Variants in DPF3 observed in about 807,000 individuals in gnomAD.
The protein encoded by DPF3 is zinc finger protein DPF3.
DPF3 carries 18 observed loss-of-function variants against 56.8 expected under a neutral mutation model. That is an observed-to-expected ratio of 0.32 (90% CI 0.22 to 0.47). The LOEUF (loss-of-function observed/expected upper bound fraction) is 0.47. Ranked by LOEUF, DPF3 falls within the 20% of genes least tolerant of loss-of-function variation. DPF3 has a pLI of 1.00. For missense variants in DPF3, 403 were observed against 488.8 expected (o/e 0.82, Z 1.65); for synonymous variants, 188 against 180.2 (o/e 1.04, Z -0.35).
chr14:72,617,003 G>A lies in DPF3; in HGVS notation c.*2294C>T, dbSNP rs1033347992. On this transcript the variant is annotated 3_prime_UTR_variant, in exon 11 of 11. Coordinates refer to ENST00000556509, the MANE Select transcript of DPF3 (RefSeq NM_001280542.3). ...GTAATGAAGCTGAGAGGGGAACTCC[G>A]GGGCCATCCTAACGTCACTCCAGAG... is the stretch of plus-strand genomic sequence containing the variant. Among the ~76,000 whole-genome samples the A allele has an allele frequency of 2.6e-5, 4 of 152,134 alleles. No homozygotes were observed. Among genetic ancestry groups the A allele is most frequent in the Admixed American group, 6.5e-5 (1 of 15,274 alleles).
intron 9 of DPF3, among the ~76,000 whole-genome samples, chr14:72,624,419 G>A (rs1884687166): frequency 7.1e-6 from 1 of 141,566 alleles, no homozygotes; most frequent in African/African-American, 2.6e-5. Context: ...GCTCACTGCA[G>A]CCTCCTTCTC....
intron 8 of DPF3, among the ~76,000 whole-genome samples, chr14:72,654,126 C>T (rs1461139043): frequency 6.6e-6 from 1 of 152,152 alleles, no homozygotes; most frequent in Non-Finnish European, 1.5e-5. Flanking sequence ...CCTACAGTGC[C>T]CTAATGCCCT....
intron 8 of DPF3, among the ~76,000 whole-genome samples, chr14:72,658,730 C>A (rs190472723): frequency 2.0e-5 from 3 of 152,244 alleles, no homozygotes; most frequent in African/African-American, 4.8e-5. Context: ...CATAACAATC[C>A]TAAGTCAGGA....
Position 72,609,683 on chromosome 14 carries a change from A to C in DPF3, c.*9614T>G, listed in dbSNP as rs149234774. Among the ~76,000 whole-genome samples, 33 of 152,230 alleles carry C rather than the reference A, an allele frequency of 2.2e-4. No homozygotes were observed. Among genetic ancestry groups the C allele is most frequent in the Non-Finnish European group, 4.4e-4 (30 of 68,040 alleles). ...ACACACCTACAGAGACCGCAACCAC[A>C]TCACAGTGAAGGAGGAGGACAGCTA... On this transcript the variant is annotated 3_prime_UTR_variant, in exon 11 of 11. Transcript: ENST00000556509.
At chr14:72,874,863 C>A (rs1241094625) in intron 1 of DPF3, among the ~76,000 whole-genome samples, 1 of 152,186 alleles carries the variant, frequency 6.6e-6, no homozygotes, top group Non-Finnish European at 1.5e-5. Flanking sequence ...TTCAGCAATG[C>A]CCCACTCTAT....
chr14:72,879,897 C>G (rs572977815), intron 1 of DPF3: 2 of 1,524,516 alleles, frequency 1.3e-6, no homozygotes, highest in South Asian at 2.4e-5. Context: ...CATCTATATG[C>G]GTGTTTTCCG....
chr14:72,817,800 C>A (rs960637528), intron 1 of DPF3, among the ~76,000 whole-genome samples: 1 of 152,168 alleles, frequency 6.6e-6, no homozygotes, highest in African/African-American at 2.4e-5. Context: ...TGGAGTAAAT[C>A]AGAGGAGAAT....
chr14:72,869,988 G>A (rs1289809354), intron 1 of DPF3, among the ~76,000 whole-genome samples: 1 of 152,100 alleles, frequency 6.6e-6, no homozygotes, highest in East Asian at 1.9e-4. Context: ...GCCCATTCAA[G>A]GGATGCAAAA....
At chr14:72,884,370 T>C (rs1886434659) in intron 1 of DPF3, among the ~76,000 whole-genome samples, 1 of 152,212 alleles carries the variant, frequency 6.6e-6, no homozygotes, top group Non-Finnish European at 1.5e-5. Flanking sequence ...ATTTTTGTTT[T>C]AATATTTAAA....
At chr14:72,881,184 C>T (rs564044332) in intron 1 of DPF3, among the ~76,000 whole-genome samples, 1 of 152,356 alleles carries the variant, frequency 6.6e-6, no homozygotes, top group East Asian at 1.9e-4. Flanking sequence ...CCTCAAACTA[C>T]TTCTAACAGT....
chr14:72,806,543 A>T (rs1175627608), intron 1 of DPF3, among the ~76,000 whole-genome samples: 1 of 152,230 alleles, frequency 6.6e-6, no homozygotes, highest in Non-Finnish European at 1.5e-5. Context: ...TCTTGTAATA[A>T]CAAAATTCAA....
At chr14:72,762,420 T>C (rs919766023) in intron 2 of DPF3, among the ~76,000 whole-genome samples, 1 of 151,872 alleles carries the variant, frequency 6.6e-6, no homozygotes, top group African/African-American at 2.4e-5. Context: ...ATGTTAAATG[T>C]AAACTTAAGA....
chr14:72,893,694 G>T (rs1886868455), intron 1 of DPF3, among the ~76,000 whole-genome samples: 1 of 151,740 alleles, frequency 6.6e-6, no homozygotes, highest in South Asian at 2.1e-4. Flanking sequence ...CCGAAGCCGC[G>T]CTCCCTGCCC....
At chr14:72,627,401 A>G (rs1044987646) in intron 9 of DPF3, among the ~76,000 whole-genome samples, 1 of 152,118 alleles carries the variant, frequency 6.6e-6, no homozygotes, top group Admixed American at 6.5e-5. Context: ...CATTCATTTA[A>G]AAGTCTGTCT....
At chr14:72,625,183 G>A (rs987494312) in intron 9 of DPF3, among the ~76,000 whole-genome samples, 3 of 152,136 alleles carry the variant, frequency 2.0e-5, no homozygotes, top group Non-Finnish European at 4.4e-5. Context: ...TAACTGTGAA[G>A]TGTGCCCAAT....
At chr14:72,771,038 T>C (rs973650030) in intron 2 of DPF3, among the ~76,000 whole-genome samples, 7 of 151,802 alleles carry the variant, frequency 4.6e-5, no homozygotes, top group Non-Finnish European at 8.8e-5. Context: ...TAGCTGGGTG[T>C]GGTGGCGCAC....
At chr14:72,834,130 A>G (rs1185009411) in intron 1 of DPF3, among the ~76,000 whole-genome samples, 2 of 151,804 alleles carry the variant, frequency 1.3e-5, no homozygotes, top group Admixed American at 6.6e-5. Flanking sequence ...GTGAGCCGAG[A>G]CTGCGCCATT....
At chr14:72,637,879 G>A (rs1442178447) in intron 8 of DPF3, among the ~76,000 whole-genome samples, 3 of 113,648 alleles carry the variant, frequency 2.6e-5, no homozygotes, top group South Asian at 3.0e-4. Flanking sequence ...TTCCCATATT[G>A]ACCAGCCCAG....
At chr14:72,892,941 CTGGAAGGAAGGAAGGAAGGAAGGA>C (rs1886813161) in intron 1 of DPF3, among the ~76,000 whole-genome samples, 1 of 127,086 alleles carries the variant, frequency 7.9e-6, no homozygotes. Flanking sequence ...GTTCCACTGA[CTGGAAGGAAGGAAGGAAGGAAGGA>C]AGGAAGGAAG....
Sources: gnomAD v4.1 joint callset for allele counts (sites outside exome capture counted in the v4.1 genomes callset) on GRCh38, gnomAD v4.1.1 for gene constraint, MANE v1.5 for transcripts, NCBI Gene and HGNC (gene_info 2026-07-23, HGNC 2026-07-21) for gene names.